RBMS3: variants seen among roughly 807,000 people sequenced by gnomAD.
RBMS3 encodes the protein RNA binding motif single stranded interacting protein 3.
RBMS3 carries 27 observed loss-of-function variants against 66.8 expected under a neutral mutation model. The ratio of observed to expected loss-of-function variants is 0.40; its 90% CI spans 0.30 to 0.56. The LOEUF (loss-of-function observed/expected upper bound fraction) is 0.56, where lower values mean the gene tolerates loss of function less well. Among genes scored for constraint, RBMS3 ranks in the 20% least tolerant of loss-of-function variants. The pLI is 0.40. For synonymous variants in RBMS3, 188 were observed against 183.0 expected (o/e 1.03, Z -0.22); for missense variants, 513 against 549.5 (o/e 0.93, Z 0.66).
At chr3:29,371,058 G>A (rs113390947) in intron 1 of RBMS3, among the ~76,000 whole-genome samples, 629 of 152,242 alleles carry the variant, frequency 4.1e-3, no homozygotes, top group African/African-American at 0.014. Context: ...TGTTTGCTCC[G>A]TGCTCTAGCA....
At chr3:29,764,012 G>A (rs2055814374) in intron 6 of RBMS3, among the ~76,000 whole-genome samples, 1 of 152,050 alleles carries the variant, frequency 6.6e-6, no homozygotes, top group South Asian at 2.1e-4. Context: ...AGAGAGTTCA[G>A]AGGTTGAGCA....
chr3:29,897,155 T>C (rs2060140865), intron 8 of RBMS3, among the ~76,000 whole-genome samples: 2 of 151,614 alleles, frequency 1.3e-5, no homozygotes, highest in South Asian at 2.1e-4. Context: ...AAGAAAGATT[T>C]TGTGCAGCTA....
chr3:29,781,936 A>G (rs572682338), intron 6 of RBMS3, among the ~76,000 whole-genome samples: 116 of 151,962 alleles, frequency 7.6e-4, no homozygotes, highest in African/African-American at 2.7e-3. Context: ...ATATAACTCC[A>G]TAAGATTGGG....
At chr3:29,762,808 T>C (rs1402478135) in intron 5 of RBMS3, 102 bp from the exon 6 acceptor site, 1 of 817,772 alleles carries the variant, frequency 1.2e-6, no homozygotes, top group African/African-American at 1.8e-5. Context: ...AGGGTACAAT[T>C]CTCAAATCAA....
At position 29,401,208 on chromosome 3, in the gene RBMS3, AAG is replaced by A. The variant is rs541312600; in HGVS notation, c.76-33532_76-33531del. 2.2e-4 allele frequency among the ~76,000 whole-genome samples: 33 copies of A among 152,222 alleles called. No homozygotes were observed. The South Asian group carries it at 6.6e-3, about 31-fold the overall frequency. The stretch of plus-strand genomic sequence containing the variant: ...CCAACAGGCATACCTATTAAAAAGA[AAG>A]AGTTTCCAGAATTTTCCCTCATTTA... On this transcript the variant is annotated intron_variant, in intron 1 of 14. Transcript: ENST00000383767.
intron 4 of RBMS3, among the ~76,000 whole-genome samples, chr3:29,680,352 C>T (rs1576507120): frequency 6.6e-6 from 1 of 152,182 alleles, no homozygotes; most frequent in Non-Finnish European, 1.5e-5. Flanking sequence ...TTCTCTCTTG[C>T]TCTGGATGTG....
intron 1 of RBMS3, among the ~76,000 whole-genome samples, chr3:29,371,514 G>T (rs1361459748): frequency 6.6e-6 from 1 of 152,154 alleles, no homozygotes; most frequent in Non-Finnish European, 1.5e-5. Flanking sequence ...TGCTTGCAAG[G>T]AACTAAGGGA....
At chr3:29,585,503 G>C (rs1173525070) in intron 3 of RBMS3, among the ~76,000 whole-genome samples, 1 of 152,036 alleles carries the variant, frequency 6.6e-6, no homozygotes, top group Non-Finnish European at 1.5e-5. Context: ...TGTCAAGTTG[G>C]ATCACCTTAC....
intron 4 of RBMS3, among the ~76,000 whole-genome samples, chr3:29,623,507 G>C (rs1008468364): frequency 4.0e-5 from 6 of 151,154 alleles, no homozygotes; most frequent in Admixed American, 2.6e-4. Context: ...CAGGAGGATG[G>C]CGTGAACCAG....
chr3:29,362,825 A>G (rs1379867164), intron 1 of RBMS3, among the ~76,000 whole-genome samples: 3 of 152,210 alleles, frequency 2.0e-5, no homozygotes, highest in African/African-American at 7.2e-5. Flanking sequence ...CTGACGTCGA[A>G]TCTATTCCCT....
intron 6 of RBMS3, among the ~76,000 whole-genome samples, chr3:29,763,576 A>T (rs1408791221): frequency 6.6e-6 from 1 of 152,050 alleles, no homozygotes; most frequent in African/African-American, 2.4e-5. Flanking sequence ...GGACTATCCC[A>T]GGGCATTTCA....
At chr3:29,817,657 T>C (rs2057950509) in intron 6 of RBMS3, among the ~76,000 whole-genome samples, 1 of 152,134 alleles carries the variant, frequency 6.6e-6, no homozygotes, top group Non-Finnish European at 1.5e-5. Flanking sequence ...GGAAATGCTT[T>C]TGCTCAGCAT....
At chr3:29,842,936 T>G (rs2058696180) in intron 6 of RBMS3, among the ~76,000 whole-genome samples, 1 of 152,200 alleles carries the variant, frequency 6.6e-6, no homozygotes, top group Non-Finnish European at 1.5e-5. Flanking sequence ...ATTTCAGAAT[T>G]CTGACCTCCA....
At chr3:29,997,790 T>G (rs1180160384) in intron 14 of RBMS3, among the ~76,000 whole-genome samples, 1 of 152,082 alleles carries the variant, frequency 6.6e-6, no homozygotes, top group African/African-American at 2.4e-5. Context: ...GAGCTATCTA[T>G]GACAAACCCA....
intron 1 of RBMS3, among the ~76,000 whole-genome samples, chr3:29,285,368 G>C (rs1042950831): frequency 6.6e-6 from 1 of 151,780 alleles, no homozygotes; most frequent in African/African-American, 2.4e-5. Flanking sequence ...TTTTCCAGCC[G>C]AGAAATAGAT....
intron 3 of RBMS3, among the ~76,000 whole-genome samples, chr3:29,560,947 G>A (rs532549377): frequency 2.0e-5 from 3 of 152,208 alleles, no homozygotes; most frequent in Non-Finnish European, 4.4e-5. Flanking sequence ...GTGTCCATGC[G>A]TTCTCATCAT....
intron 4 of RBMS3, among the ~76,000 whole-genome samples, chr3:29,712,626 A>T (rs1040552811): frequency 4.6e-5 from 7 of 152,108 alleles, no homozygotes; most frequent in African/African-American, 1.7e-4. Flanking sequence ...ATAACATCTA[A>T]ATCAGTAGAC....
chr3:29,912,302 G>A (rs567710866), intron 10 of RBMS3, among the ~76,000 whole-genome samples: 1 of 152,188 alleles, frequency 6.6e-6, no homozygotes, highest in East Asian at 1.9e-4. Context: ...TAAGACACAA[G>A]CTTCCAGGTG....
chr3:29,888,297 A>G (rs187691623), intron 8 of RBMS3, among the ~76,000 whole-genome samples: 39 of 151,858 alleles, frequency 2.6e-4, no homozygotes, highest in African/African-American at 8.9e-4. Flanking sequence ...TTTATATACT[A>G]TTATATTATC....
Sources: gnomAD v4.1 joint callset for allele counts (sites outside exome capture counted in the v4.1 genomes callset) on GRCh38, gnomAD v4.1.1 for gene constraint, MANE v1.5 for transcripts, NCBI Gene and HGNC (gene_info 2026-07-23, HGNC 2026-07-21) for gene names.